NTM: variants seen among roughly 807,000 people sequenced by gnomAD.
NTM encodes the protein neurotrimin, also known as IgLON family member 2.
NTM carries 13 observed loss-of-function variants against 42.1 expected under a neutral mutation model. The ratio of observed to expected loss-of-function variants is 0.31; its 90% confidence interval spans 0.20 to 0.49. NTM has a LOEUF of 0.49. Ranked by LOEUF, NTM falls within the 20% of genes least tolerant of loss-of-function variation. The pLI, the probability that NTM is intolerant of heterozygous loss-of-function variation, is 0.99. For synonymous variants in NTM, 187 were observed against 179.2 expected, an observed-to-expected ratio of 1.04 and a Z score of -0.35; for missense variants, 373 against 452.8, an observed-to-expected ratio of 0.82 and a Z score of 1.60.
chr11:132,128,312 A>G (rs890185029), intron 2 of NTM, among the ~76,000 whole-genome samples: 5 of 152,156 alleles, frequency 3.3e-5, no homozygotes, highest in African/African-American at 9.7e-5. Context: ...ATTTCTAAAC[A>G]ATGTCCTACA....
chr11:131,617,299 G>T (rs2062040232), intron 1 of NTM, among the ~76,000 whole-genome samples: 1 of 152,152 alleles, frequency 6.6e-6, no homozygotes. Flanking sequence ...CAGGGAAACT[G>T]AGTACACTTT....
intron 1 of NTM, among the ~76,000 whole-genome samples, chr11:131,475,939 C>T (rs1489420422): frequency 6.6e-6 from 1 of 152,012 alleles, no homozygotes; most frequent in African/African-American, 2.4e-5. Context: ...TATGCAGACA[C>T]TGAGATATGG....
chr11:131,863,554 G>T (rs1386633556), intron 1 of NTM, among the ~76,000 whole-genome samples: 1 of 152,154 alleles, frequency 6.6e-6, no homozygotes, highest in Non-Finnish European at 1.5e-5. Context: ...AAATATAGTC[G>T]AATGCAAAGG....
intron 1 of NTM, among the ~76,000 whole-genome samples, chr11:131,379,149 A>G (rs1316303756): frequency 6.6e-6 from 1 of 152,176 alleles, no homozygotes; most frequent in African/African-American, 2.4e-5. Context: ...CCTGATTCAC[A>G]ACCAGCTCAG....
At chr11:131,401,858 A>ATG (rs1945277268) in intron 1 of NTM, among the ~76,000 whole-genome samples, 1 of 101,292 alleles carries the variant, frequency 9.9e-6, no homozygotes, top group African/African-American at 3.4e-5. Flanking sequence ...ATATATATAT[A>ATG]TATTTTAATT....
chr11:131,917,612 T>A (rs1335627816), intron 2 of NTM, among the ~76,000 whole-genome samples: 1 of 152,234 alleles, frequency 6.6e-6, no homozygotes, highest in Non-Finnish European at 1.5e-5. Context: ...CTGCTCATCC[T>A]TTCTCTCTGT....
Position 131,711,778 on chromosome 11 carries a change from C to A in NTM, c.83-199786C>A, listed in dbSNP as rs1423139946. Among the ~76,000 whole-genome samples the A allele has an allele frequency of 6.0e-4, 91 of 151,676 alleles. 1 individual carries two copies. The highest frequency in any genetic ancestry group is 2.0e-3 in the African/African-American group (83 of 41,248). On this transcript the variant is annotated intron_variant, in intron 1 of 8. Transcript: ENST00000683400. ...TGGATTAAGAAAATGTGGCACATAT[C>A]CACCATGGAATACTATGCAGCCATA...
chr11:131,804,347 G>T (rs1458599286), intron 1 of NTM, among the ~76,000 whole-genome samples: 2 of 152,108 alleles, frequency 1.3e-5, no homozygotes, highest in East Asian at 1.9e-4. Context: ...AGGGGGTTGG[G>T]GTACGGCCAC....
intron 2 of NTM, among the ~76,000 whole-genome samples, chr11:132,145,544 A>C (rs1261548908): frequency 6.6e-6 from 1 of 152,224 alleles, no homozygotes; most frequent in African/African-American, 2.4e-5. Flanking sequence ...GAGATTCCAC[A>C]ATTCAAGGAC....
intron 2 of NTM, among the ~76,000 whole-genome samples, chr11:132,132,479 A>G (rs796328654): frequency 9.8e-5 from 15 of 152,364 alleles, no homozygotes; most frequent in African/African-American, 3.1e-4. Flanking sequence ...CTTCACAGGC[A>G]TATGAGCTCA....
chr11:131,893,070 TAGG>T (rs1306952172), intron 1 of NTM, among the ~76,000 whole-genome samples: 1 of 152,190 alleles, frequency 6.6e-6, no homozygotes, highest in Non-Finnish European at 1.5e-5. Flanking sequence ...AAGAACTTTA[TAGG>T]AGAACAGCAT....
chr11:132,074,063 C>T (rs914650372), intron 2 of NTM, among the ~76,000 whole-genome samples: 3 of 152,218 alleles, frequency 2.0e-5, no homozygotes, highest in Admixed American at 6.5e-5. Context: ...AAAGATTTAT[C>T]TCTCAGCACA....
chr11:131,490,798 C>T (rs528272616), intron 1 of NTM, among the ~76,000 whole-genome samples: 5 of 152,250 alleles, frequency 3.3e-5, no homozygotes, highest in South Asian at 2.1e-4. Flanking sequence ...GGTGGCATTG[C>T]GATGGCAAAA....
At chr11:131,676,451 GTGTC>G (rs1247507357) in intron 1 of NTM, among the ~76,000 whole-genome samples, 1 of 152,198 alleles carries the variant, frequency 6.6e-6, no homozygotes, top group African/African-American at 2.4e-5. Flanking sequence ...GTGTGTGTGT[GTGTC>G]TGTGCCTGTG....
intron 1 of NTM, among the ~76,000 whole-genome samples, chr11:131,689,174 C>T (rs111943792): frequency 2.6e-5 from 4 of 152,354 alleles, no homozygotes; most frequent in African/African-American, 9.6e-5. Flanking sequence ...GACCGAGCCC[C>T]TTCTCCTGGG....
chr11:131,542,391 A>G (rs577098741), intron 1 of NTM, among the ~76,000 whole-genome samples: 1 of 152,334 alleles, frequency 6.6e-6, no homozygotes, highest in East Asian at 1.9e-4. Flanking sequence ...GGTGCTTGAT[A>G]CATGAAGACA....
intron 1 of NTM, among the ~76,000 whole-genome samples, chr11:131,884,003 C>T (rs1308642725): frequency 6.6e-6 from 1 of 152,088 alleles, no homozygotes; most frequent in African/African-American, 2.4e-5. Flanking sequence ...GTTACTGAAT[C>T]CTTAATAGGT....
chr11:131,373,274 G>A (rs1227549924), intron 1 of NTM, among the ~76,000 whole-genome samples: 1 of 152,180 alleles, frequency 6.6e-6, no homozygotes, highest in Non-Finnish European at 1.5e-5. Flanking sequence ...CATTGACCCA[G>A]TGGGACTAGT....
chr11:131,646,350 A>G (rs894365123), intron 1 of NTM, among the ~76,000 whole-genome samples: 2 of 152,182 alleles, frequency 1.3e-5, no homozygotes, highest in African/African-American at 2.4e-5. Context: ...GATGCGTATA[A>G]AGAAAAAAGT....
Sources: gnomAD v4.1 joint callset for allele counts (sites outside exome capture counted in the v4.1 genomes callset) on GRCh38, gnomAD v4.1.1 for gene constraint, MANE v1.5 for transcripts, NCBI Gene and HGNC (gene_info 2026-07-23, HGNC 2026-07-21) for gene names.